Variants in AGAP1 observed in about 807,000 individuals in gnomAD.
The protein encoded by AGAP1 is ArfGAP with GTPase domain, ankyrin repeat and PH domain 1.
Under a neutral mutation model 105.3 loss-of-function variants are expected in AGAP1, and 29 were observed. The ratio of observed to expected loss-of-function variants is 0.28; its 90% CI spans 0.21 to 0.38. The LOEUF (loss-of-function observed/expected upper bound fraction) is 0.38, where lower values mean the gene tolerates loss of function less well. Ranked by LOEUF, AGAP1 falls within the 10% of genes least tolerant of loss-of-function variation. AGAP1 has a pLI of 1.00. For missense variants in AGAP1, 998 were observed against 1,165.1 expected (o/e 0.86, Z 2.09); for synonymous variants, 509 against 485.9 (o/e 1.05, Z -0.63).
intron 1 of AGAP1, among the ~76,000 whole-genome samples, chr2:235,538,765 G>C (rs1943336655): frequency 1.3e-5 from 2 of 152,132 alleles, no homozygotes; most frequent in Non-Finnish European, 2.9e-5. Context: ...TTTGAGAAGT[G>C]TGTTGTCCAA....
chr2:235,939,818 C>T (rs1575831530), intron 12 of AGAP1, among the ~76,000 whole-genome samples: 1 of 152,146 alleles, frequency 6.6e-6, no homozygotes, highest in East Asian at 1.9e-4. Context: ...GTGTCATCCT[C>T]CTTTACCAGC....
chr2:235,598,412 G>A (rs765571305), intron 1 of AGAP1, among the ~76,000 whole-genome samples: 1 of 152,144 alleles, frequency 6.6e-6, no homozygotes, highest in Non-Finnish European at 1.5e-5. Flanking sequence ...TAGAAGTTTG[G>A]TGATGTTTTT....
intron 6 of AGAP1, among the ~76,000 whole-genome samples, chr2:235,773,060 CACAA>C (rs1263931675): frequency 3.9e-5 from 6 of 152,094 alleles, no homozygotes; most frequent in Non-Finnish European, 7.3e-5. Flanking sequence ...GAACAAAATG[CACAA>C]ACAAAGCAAG....
In AGAP1 at chr2:235,824,479, A is replaced by G. The variant is rs1323464665; in HGVS notation, c.1050+17148A>G. Among the ~76,000 whole-genome samples the G allele has an allele frequency of 1.3e-5, 2 of 152,326 alleles. No individual in the cohort carries two copies. Among genetic ancestry groups the G allele is most frequent in the East Asian group, 3.9e-4 (2 of 5,180 alleles). ...ATGTTGTACAGCCAATCAAAAAGAG[A>G]TACTTGTAAACTCATTTACAGCGTC... On this transcript the variant is annotated intron_variant, in intron 9 of 17. Transcript: ENST00000304032. The surrounding 1 kb of genome is among the most constrained non-coding windows in gnomAD (Gnocchi z 5.2).
intron 9 of AGAP1, among the ~76,000 whole-genome samples, chr2:235,832,998 CTG>C (rs1267082041): frequency 6.6e-6 from 1 of 152,218 alleles, no homozygotes; most frequent in Non-Finnish European, 1.5e-5. Flanking sequence ...GGCTCTGAGA[CTG>C]TGTGACATCT....
chr2:236,053,977 T>G lies in AGAP1; in HGVS notation c.2114+4696T>G, dbSNP rs2057982024. The stretch of plus-strand genomic sequence containing the variant: ...AGTTCACCTCTGTGCCTAAACTCCC[T>G]TCTTGTCTTTAACCTATAAAAAGAT... On this transcript the variant is annotated intron_variant, in intron 16 of 17. Coordinates refer to ENST00000304032, the MANE Select transcript of AGAP1 (RefSeq NM_001037131.3). The surrounding 1 kb of genome is among the most constrained non-coding windows in gnomAD (Gnocchi z 4.6). 6.6e-6 allele frequency among the ~76,000 whole-genome samples: 1 copy of G among 152,216 alleles called. No homozygotes were observed. Among genetic ancestry groups the G allele is most frequent in the South Asian group, 2.1e-4 (1 of 4,834 alleles).
chr2:235,697,544 C>T (rs1318892193), intron 1 of AGAP1, among the ~76,000 whole-genome samples: 1 of 152,166 alleles, frequency 6.6e-6, no homozygotes, highest in Non-Finnish European at 1.5e-5. Flanking sequence ...TGACCCTTGG[C>T]TTCACAGACT....
At position 235,692,565 on chromosome 2, in the gene AGAP1, C is replaced by T. The variant is rs548167913; in HGVS notation, c.164-16614C>T. Among the ~76,000 whole-genome samples, 1 of 150,526 alleles carries T rather than the reference C, an allele frequency of 6.6e-6. No homozygotes were observed. The highest frequency in any genetic ancestry group is 2.1e-4 in the South Asian group (1 of 4,812). ...GCCCTGCTGCCCCTATGCTCTCCCCCCTTGCCCTCCCCCCTTGCCTTCCTG... is the reference window on the plus strand; with the variant it reads ...GCCCTGCTGCCCCTATGCTCTCCCCTCTTGCCCTCCCCCCTTGCCTTCCTG... On this transcript the variant is annotated intron_variant, in intron 1 of 17. Transcript: ENST00000304032. This position sits in a 1 kb window ranked among gnomAD's most constrained non-coding sequence, Gnocchi z 5.8.
chr2:235,648,853 C>T (rs535582923), intron 1 of AGAP1, among the ~76,000 whole-genome samples: 28 of 151,644 alleles, frequency 1.8e-4, no homozygotes, highest in African/African-American at 6.8e-4. Flanking sequence ...CACCACTGCA[C>T]TCCAGTCTAA....
chr2:235,723,269 T>C lies in AGAP1; in HGVS notation c.310+5625T>C, dbSNP rs1312228197. 6.6e-6 allele frequency among the ~76,000 whole-genome samples: 1 copy of C among 152,206 alleles called. No homozygotes were observed. The highest frequency in any genetic ancestry group is 1.5e-5 in the Non-Finnish European group (1 of 68,038). On this transcript the variant is annotated intron_variant, in intron 3 of 17. Coordinates refer to ENST00000304032, the MANE Select transcript of AGAP1 (RefSeq NM_001037131.3). The surrounding 1 kb of genome is among the most constrained non-coding windows in gnomAD (Gnocchi z 6.2). ...AGAATCGTGTGACATTTTGGGTGTG[T>C]AATGTGACTTCCCTCGTGGTGTGTT...
Position 235,611,515 on chromosome 2 carries a change from AGGT to A in AGAP1, c.164-97659_164-97657del, listed in dbSNP as rs1257717682. Among the ~76,000 whole-genome samples, 1 of 151,966 alleles carries A rather than the reference AGGT, an allele frequency of 6.6e-6. No homozygotes were observed. Among genetic ancestry groups the A allele is most frequent in the East Asian group, 1.9e-4 (1 of 5,168 alleles). Reference sequence around the variant, plus strand: ...GTGGGTGGTTCTGATTCCTGTTTTGAGGTGGTGATTTATGATGCCTGTGTACTT... The same window carrying A: ...GTGGGTGGTTCTGATTCCTGTTTTGAGGTGATTTATGATGCCTGTGTACTT... On this transcript the variant is annotated intron_variant, in intron 1 of 17. Coordinates refer to ENST00000304032, the MANE Select transcript of AGAP1 (RefSeq NM_001037131.3). This position sits in a 1 kb window ranked among gnomAD's most constrained non-coding sequence, Gnocchi z 5.0.
rs1340364663 is a variant in AGAP1 at position 235,874,922 on chromosome 2, G to T, written c.1051-8423G>T. ...TATCAGAGAAATTGTCAATATCATG[G>T]CCCCACATTTCCATTAGATAGGCAG... On this transcript the variant is annotated intron_variant, in intron 9 of 17. Coordinates refer to ENST00000304032, the MANE Select transcript of AGAP1 (RefSeq NM_001037131.3). This position sits in a 1 kb window ranked among gnomAD's most constrained non-coding sequence, Gnocchi z 4.5. Among the ~76,000 whole-genome samples the T allele has an allele frequency of 6.6e-6, 1 of 152,138 alleles. No individual in the cohort carries two copies. The highest frequency in any genetic ancestry group is 6.5e-5 in the Admixed American group (1 of 15,274).
intron 11 of AGAP1, among the ~76,000 whole-genome samples, chr2:235,920,511 C>G (rs924288982): frequency 2.6e-5 from 4 of 152,162 alleles, no homozygotes; most frequent in African/African-American, 4.8e-5. Context: ...TGGCATCGCT[C>G]TGATCATCAG....
At chr2:235,531,745 A>T (rs1331500153) in intron 1 of AGAP1, among the ~76,000 whole-genome samples, 1 of 151,478 alleles carries the variant, frequency 6.6e-6, no homozygotes, top group Non-Finnish European at 1.5e-5. Context: ...AGTAGCTGGG[A>T]TTACAGGTGC....
At chr2:236,088,097 C>T (rs539614872) in intron 16 of AGAP1, among the ~76,000 whole-genome samples, 2 of 152,308 alleles carry the variant, frequency 1.3e-5, no homozygotes, top group East Asian at 3.9e-4. Context: ...GGGACCTTCA[C>T]CAATGTGCCT....
intron 1 of AGAP1, among the ~76,000 whole-genome samples, chr2:235,624,096 T>C (rs1946565642): frequency 6.6e-6 from 1 of 152,256 alleles, no homozygotes; most frequent in Admixed American, 6.5e-5. Context: ...AGTGAGACTT[T>C]GTGAAAGGAA....
Position 235,625,070 on chromosome 2 carries a change from CAGATATTCCTTT to C in AGAP1, c.164-84105_164-84094del, listed in dbSNP as rs1946596687. 6.6e-6 allele frequency among the ~76,000 whole-genome samples: 1 copy of C among 152,192 alleles called. No individual in the cohort carries two copies. The highest frequency in any genetic ancestry group is 2.1e-4 in the South Asian group (1 of 4,828). On this transcript the variant is annotated intron_variant, in intron 1 of 17. Transcript: ENST00000304032. The surrounding 1 kb of genome is among the most constrained non-coding windows in gnomAD (Gnocchi z 4.0). ...ACTTCTTTTATTAATTACCCAGCCT[CAGATATTCCTTT>C]AGAGTAATGCAAGAATGGACTAACA...
At position 235,882,214 on chromosome 2, in the gene AGAP1, CT is replaced by C. The variant is rs2050060143; in HGVS notation, c.1051-1129del. ...TTTGGCAATCTGATTGGGGGTGGTC[CT>C]TCAGAGACCCACAGGCCAGTGGCAT... On this transcript the variant is annotated intron_variant, in intron 9 of 17. Coordinates refer to ENST00000304032, the MANE Select transcript of AGAP1 (RefSeq NM_001037131.3). The surrounding 1 kb of genome is among the most constrained non-coding windows in gnomAD (Gnocchi z 4.6). 4 of 361,766 alleles carry C rather than the reference CT, an allele frequency of 1.1e-5. No individual in the cohort carries two copies. Among genetic ancestry groups the C allele is most frequent in the Non-Finnish European group, 2.1e-5 (4 of 193,800 alleles). The allele number at this position is 361,766 out of a possible 1,614,324, so 22.4% of individuals were successfully genotyped here.
chr2:235,852,929 G>C, intron 9 of AGAP1: 1 of 1,306,340 alleles, frequency 7.7e-7, no homozygotes. Flanking sequence ...CCTGACTTCA[G>C]CGCATCTCTG....
Sources: gnomAD v4.1 joint callset for allele counts (sites outside exome capture counted in the v4.1 genomes callset) on GRCh38, gnomAD v4.1.1 for gene constraint, Gnocchi (gnomAD v3.1) non-coding constraint, MANE v1.5 for transcripts, NCBI Gene and HGNC (gene_info 2026-07-23, HGNC 2026-07-21) for gene names.